CNTNAP2: variants seen among roughly 807,000 people sequenced by gnomAD.
CNTNAP2 encodes contactin-associated protein-like 2.
In CNTNAP2, 98 loss-of-function variants were observed where a neutral mutation model predicts 155.2. That is an observed-to-expected ratio of 0.63 (90% CI 0.54 to 0.75). The LOEUF (loss-of-function observed/expected upper bound fraction) is 0.75, where lower values mean the gene tolerates loss of function less well. CNTNAP2 is among the 30% of genes least tolerant of loss of function. CNTNAP2 has a pLI of 0.00. For synonymous variants in CNTNAP2, 651 were observed against 631.2 expected, an observed-to-expected ratio of 1.03 and a Z score of -0.47; for missense variants, 1,727 against 1,688.1, an observed-to-expected ratio of 1.02 and a Z score of -0.40.
intron 5 of CNTNAP2, among the ~76,000 whole-genome samples, chr7:147,110,472 C>G (rs1192884643): frequency 1.3e-5 from 2 of 152,020 alleles, no homozygotes; most frequent in African/African-American, 4.8e-5. Flanking sequence ...ATCCCATCAC[C>G]TAAGTATTAA....
At chr7:148,101,653 C>T (rs960092553) in intron 15 of CNTNAP2, among the ~76,000 whole-genome samples, 4 of 152,024 alleles carry the variant, frequency 2.6e-5, no homozygotes, top group South Asian at 2.1e-4. Flanking sequence ...ATTTTAGAGC[C>T]CTTGTTCTTC....
chr7:146,544,086 CT>C (rs1206201867), intron 1 of CNTNAP2, among the ~76,000 whole-genome samples: 2 of 151,928 alleles, frequency 1.3e-5, no homozygotes, highest in Non-Finnish European at 2.9e-5. Flanking sequence ...AATTAAATTA[CT>C]TGCTAATAAT....
At chr7:146,915,134 T>A (rs1401563478) in intron 3 of CNTNAP2, among the ~76,000 whole-genome samples, 6 of 152,028 alleles carry the variant, frequency 3.9e-5, no homozygotes, top group African/African-American at 1.4e-4. Context: ...CTATAAGTAT[T>A]TGGCTCTATT....
intron 1 of CNTNAP2, among the ~76,000 whole-genome samples, chr7:146,678,402 G>T (rs1800442109): frequency 6.6e-6 from 1 of 152,056 alleles, no homozygotes; most frequent in African/African-American, 2.4e-5. Flanking sequence ...CCTTAATTAT[G>T]ATATTTATAA....
At chr7:148,319,931 C>T (rs928549241) in intron 21 of CNTNAP2, among the ~76,000 whole-genome samples, 3 of 151,524 alleles carry the variant, frequency 2.0e-5, no homozygotes, top group Non-Finnish European at 4.4e-5. Flanking sequence ...CCATCCCCTA[C>T]TCCCCTAGTC....
intron 3 of CNTNAP2, among the ~76,000 whole-genome samples, chr7:146,856,588 T>A (rs1406079025): frequency 1.3e-5 from 2 of 152,152 alleles, no homozygotes; most frequent in African/African-American, 2.4e-5. Context: ...ACAAATCACT[T>A]ATTAGTTGCA....
intron 11 of CNTNAP2, among the ~76,000 whole-genome samples, chr7:147,514,200 T>A (rs1390619786): frequency 1.3e-5 from 2 of 152,144 alleles, no homozygotes; most frequent in Non-Finnish European, 2.9e-5. Flanking sequence ...CTAAGAACAA[T>A]ACAGAACAAC....
At chr7:147,652,383 A>G (rs2116942105) in intron 13 of CNTNAP2, among the ~76,000 whole-genome samples, 1 of 152,326 alleles carries the variant, frequency 6.6e-6, no homozygotes, top group African/African-American at 2.4e-5. Context: ...TTCAGGCTTA[A>G]AAATATATTG....
chr7:147,047,105 CTTTTTT>C (rs34699998), intron 4 of CNTNAP2, among the ~76,000 whole-genome samples: 1 of 99,806 alleles, frequency 1.0e-5, no homozygotes, highest in Non-Finnish European at 2.0e-5. Flanking sequence ...AGTTATGTTT[CTTTTTT>C]TTTTTTTTTT....
chr7:147,558,129 G>A (rs17226804), intron 11 of CNTNAP2, among the ~76,000 whole-genome samples: 70,124 of 151,990 alleles, frequency 0.46, 16,332 homozygotes, highest in East Asian at 0.61. Flanking sequence ...TTAAAAATCT[G>A]TGAACAGTTT....
At chr7:148,310,510 G>A (rs1488009089) in intron 21 of CNTNAP2, among the ~76,000 whole-genome samples, 3 of 152,200 alleles carry the variant, frequency 2.0e-5, no homozygotes, top group Admixed American at 1.3e-4. Flanking sequence ...AGTACCGAGA[G>A]CAATAGTAGA....
intron 15 of CNTNAP2, among the ~76,000 whole-genome samples, chr7:148,009,487 G>C (rs529544977): frequency 6.6e-6 from 1 of 152,154 alleles, no homozygotes; most frequent in Admixed American, 6.5e-5. Flanking sequence ...AATTAAATTT[G>C]TATATTATGC....
At chr7:147,412,938 C>T (rs1797128462) in intron 10 of CNTNAP2, among the ~76,000 whole-genome samples, 1 of 152,188 alleles carries the variant, frequency 6.6e-6, no homozygotes, top group Non-Finnish European at 1.5e-5. Flanking sequence ...AATTCATAAA[C>T]TTTTGGAATG....
At chr7:146,209,545 G>A (rs927119579) in intron 1 of CNTNAP2, among the ~76,000 whole-genome samples, 7 of 152,114 alleles carry the variant, frequency 4.6e-5, no homozygotes, top group Admixed American at 1.3e-4. Flanking sequence ...GAAATTTTGA[G>A]TTCACAAGAC....
chr7:147,414,797 T>C (rs575957296), intron 10 of CNTNAP2, among the ~76,000 whole-genome samples: 2 of 151,376 alleles, frequency 1.3e-5, no homozygotes, highest in African/African-American at 4.9e-5. Flanking sequence ...AAAAATTAGC[T>C]GGGCGAGGTG....
chr7:148,099,862 T>C (rs1804058569), intron 15 of CNTNAP2, among the ~76,000 whole-genome samples: 1 of 143,478 alleles, frequency 7.0e-6, no homozygotes, highest in Non-Finnish European at 1.5e-5. Flanking sequence ...TCCTTTTTTT[T>C]TTTTGGTTTT....
chr7:148,405,541 A>G (rs1054515471), intron 22 of CNTNAP2, among the ~76,000 whole-genome samples: 7 of 116,666 alleles, frequency 6.0e-5, no homozygotes, highest in Admixed American at 1.2e-4. Flanking sequence ...GGTTCAAGCA[A>G]TTCTCCTGCT....
At chr7:148,409,664 C>T (rs946859670) in intron 23 of CNTNAP2, among the ~76,000 whole-genome samples, 193 bp downstream of exon 23, 3 of 151,778 alleles carry the variant, frequency 2.0e-5, no homozygotes, top group Admixed American at 6.6e-5. Flanking sequence ...CCTCTGTTAT[C>T]CTAGCACTTT....
chr7:147,473,609 GT>G (rs1798265689), intron 10 of CNTNAP2, among the ~76,000 whole-genome samples: 1 of 152,196 alleles, frequency 6.6e-6, no homozygotes, highest in African/African-American at 2.4e-5. Context: ...TCAAATATAA[GT>G]TTTCCCTGCA....
Sources: gnomAD v4.1 joint callset for allele counts (sites outside exome capture counted in the v4.1 genomes callset) on GRCh38, gnomAD v4.1.1 for gene constraint, MANE v1.5 for transcripts, NCBI Gene and HGNC (gene_info 2026-07-23, HGNC 2026-07-21) for gene names.